Variants in COL17A1 observed in about 807,000 individuals in gnomAD.
The protein encoded by COL17A1 is collagen alpha-1(XVII) chain.
COL17A1 carries 181 observed loss-of-function variants against 218.4 expected under a neutral mutation model. That is an observed-to-expected ratio of 0.83 (90% CI 0.73 to 0.94). The LOEUF (loss-of-function observed/expected upper bound fraction) is 0.94. COL17A1 is among the 40% of genes least tolerant of loss of function. The pLI is 0.00. For missense variants in COL17A1, 1,924 were observed against 1,945.9 expected (o/e 0.99, Z 0.21); for synonymous variants, 721 against 731.0 (o/e 0.99, Z 0.22).
intron 9 of COL17A1, among the ~76,000 whole-genome samples, chr10:104,068,478 T>G (rs908876730): frequency 2.6e-5 from 4 of 152,212 alleles, no homozygotes; most frequent in African/African-American, 9.6e-5. Flanking sequence ...AAAAGGTAGA[T>G]TATCCAATAA....
At chr10:104,064,148 C>T (rs907084200) in intron 10 of COL17A1, among the ~76,000 whole-genome samples, 1 of 152,220 alleles carries the variant, frequency 6.6e-6, no homozygotes, top group South Asian at 2.1e-4. Flanking sequence ...ATTCAAGGCT[C>T]CACCGTCAAT....
At chr10:104,061,738 C>T (rs1166369055) in intron 12 of COL17A1, among the ~76,000 whole-genome samples, 1 of 152,200 alleles carries the variant, frequency 6.6e-6, no homozygotes, top group Non-Finnish European at 1.5e-5. Context: ...CAGCCCTTAA[C>T]ACCTGCTCTG....
chr10:104,063,582 G>A, intron 11 of COL17A1, 165 bp downstream of exon 11: 1 of 1,090,546 alleles, frequency 9.2e-7, no homozygotes, highest in South Asian at 1.3e-5. Context: ...TTTCCCTTGG[G>A]GTCTGAGTTC....
chr10:104,047,950 A>G lies in COL17A1; in HGVS notation c.2263+119T>C, dbSNP rs185864636. The G allele has an allele frequency of 1.2e-4, 165 of 1,399,318 alleles. 1 individual carries two copies. In the African/African-American group the frequency reaches 2.2e-3, roughly 18 times the overall value. The allele number at this position is 1,399,318 out of a possible 1,614,324, so 86.7% of individuals were successfully genotyped here. On this transcript the variant is annotated intron_variant, in intron 30 of 55. Coordinates refer to ENST00000648076, the MANE Select transcript of COL17A1 (RefSeq NM_000494.4). ...AAGGAGAAGGGGAACAGAACTGGACACTGCACACTTCCACATGCTATATGC... is the reference window on the plus strand; with the variant it reads ...AAGGAGAAGGGGAACAGAACTGGACGCTGCACACTTCCACATGCTATATGC...
At chr10:104,054,060 G>A in intron 21 of COL17A1, 32 bp downstream of exon 21, 2 of 1,613,620 alleles carry the variant, frequency 1.2e-6, no homozygotes, top group Non-Finnish European at 1.7e-6. Context: ...CTGCAACACT[G>A]GCAGGCCTGG....
In COL17A1 at chr10:104,055,978, C is replaced by G. The variant is rs143263539; in HGVS notation, c.1491G>C (p.Ala497=). 1 of 1,614,208 alleles carries G rather than the reference C, an allele frequency of 6.2e-7. No homozygotes were observed. The highest frequency in any genetic ancestry group is 8.5e-7 in the Non-Finnish European group (1 of 1,180,036). The stretch of plus-strand genomic sequence containing the variant: ...TGATCCTCTCCAGCTCATCCACACG[C>G]GCCTTCAGCTTCCTCACCTCCTCCG... ...ALAEEVRKLK[A]RVDELERIRR... Residue 497 remains alanine (A), a synonymous_variant, in exon 18 of 56, where the codon GCG becomes GCC. Coordinates refer to ENST00000648076, the MANE Select transcript of COL17A1 (RefSeq NM_000494.4).
In COL17A1 at chr10:104,056,605, A is replaced by C. The variant is rs534508239; in HGVS notation, c.1465+370T>G. On this transcript the variant is annotated intron_variant, in intron 17 of 55. Transcript: ENST00000648076. ...TCAAAAAAAAAAAAGAAAGAAAAAGAAAAGAAAGAAAAGAAATAGATATGG... is the reference window on the plus strand; with the variant it reads ...TCAAAAAAAAAAAAGAAAGAAAAAGCAAAGAAAGAAAAGAAATAGATATGG... 3.9e-5 allele frequency among the ~76,000 whole-genome samples: 6 copies of C among 152,250 alleles called. No homozygotes were observed. In the South Asian group the frequency reaches 1.2e-3, roughly 32 times the overall value.
At chr10:104,059,982 A>C in intron 14 of COL17A1, 137 bp downstream of exon 14, 3 of 1,432,792 alleles carry the variant, frequency 2.1e-6, no homozygotes, top group Non-Finnish European at 2.9e-6. Context: ...CATACTATTC[A>C]GACAGGTGCT....
chr10:104,059,693 T>C lies in COL17A1; in HGVS notation c.1167A>G (p.Lys389=). The C allele has an allele frequency of 6.2e-7, 1 of 1,614,258 alleles. No individual in the cohort carries two copies. The part of the protein sequence containing the change: ...AATSFSEDTL[K]KEKQAAYNAD... Reference sequence around the variant, plus strand: ...CATTGTAGGCAGCTTGCTTTTCTTTTTTTAGGGTGTCTTCTGAAAAAGAAG... The same window carrying C: ...CATTGTAGGCAGCTTGCTTTTCTTTCTTTAGGGTGTCTTCTGAAAAAGAAG... The change falls in exon 15 of 56, where the codon AAA becomes AAG. Residue 389 remains lysine (K), a synonymous_variant. Coordinates refer to ENST00000648076, the MANE Select transcript of COL17A1 (RefSeq NM_000494.4).
Position 104,070,519 on chromosome 10 carries a change from T to A in COL17A1, c.514A>T (p.Ser172Cys). ...GAGGAATTCCGGGTGGGGCTCACACTTGCCGATCGACTCCCCTTGAGCAAA... is the reference window on the plus strand; with the variant it reads ...GAGGAATTCCGGGTGGGGCTCACACATGCCGATCGACTCCCCTTGAGCAAA... ...KRLLKGSRSA[S>C]VSPTRNSSNT... The change falls in exon 9 of 56, where the codon AGT becomes TGT. Residue 172 changes from serine (S) to cysteine (C), a missense_variant. Coordinates refer to ENST00000648076, the MANE Select transcript of COL17A1 (RefSeq NM_000494.4). The A allele has an allele frequency of 1.9e-6, 3 of 1,614,220 alleles. No individual in the cohort carries two copies. The highest frequency in any genetic ancestry group is 2.5e-6 in the Non-Finnish European group (3 of 1,180,046).
intron 20 of COL17A1, 89 bp downstream of exon 20, chr10:104,054,892 T>A (rs564005262): frequency 6.3e-7 from 1 of 1,592,514 alleles, no homozygotes; most frequent in South Asian, 1.1e-5. Flanking sequence ...CTTCTTGGAG[T>A]GCAAGGTGGG....
intron 1 of COL17A1, among the ~76,000 whole-genome samples, chr10:104,082,071 G>A (rs539788000): frequency 2.2e-4 from 33 of 152,252 alleles, no homozygotes; most frequent in African/African-American, 7.7e-4. Context: ...ACCAAGATTC[G>A]TACACTTAGC....
chr10:104,060,872 G>A (rs1564681340), intron 13 of COL17A1, among the ~76,000 whole-genome samples: 1 of 152,200 alleles, frequency 6.6e-6, no homozygotes, highest in Non-Finnish European at 1.5e-5. Context: ...CTGCTGTACT[G>A]TCAGCACTTA....
At chr10:104,035,591 CA>C in intron 48 of COL17A1, 28 bp from the exon 49 acceptor site, 3 of 1,571,194 alleles carry the variant, frequency 1.9e-6, no homozygotes, top group African/African-American at 2.7e-5. Flanking sequence ...TCAGATCAGG[CA>C]GGGGGAGGCA....
At chr10:104,064,312 G>A in intron 10 of COL17A1, 126 bp downstream of exon 10, 1 of 1,486,814 alleles carries the variant, frequency 6.7e-7, no homozygotes, top group South Asian at 1.2e-5. Flanking sequence ...CTCCTGGGAT[G>A]TTTGGCCACA....
At chr10:104,060,721 C>G (rs2086574945) in intron 13 of COL17A1, among the ~76,000 whole-genome samples, 1 of 152,182 alleles carries the variant, frequency 6.6e-6, no homozygotes, top group Non-Finnish European at 1.5e-5. Flanking sequence ...ACACACACTC[C>G]TATCTCTACC....
Position 104,074,301 on chromosome 10 carries a change from G to C in COL17A1, c.332-70C>G. The C allele has an allele frequency of 1.9e-6, 3 of 1,609,746 alleles. No individual in the cohort carries two copies. In the Admixed American group the frequency reaches 5.0e-5, roughly 27 times the overall value. ...CATAAAGCTTCCAAAACGGGAGGTA[G>C]TGCCTGTTACTTATTTCTGGACCTC... On this transcript the variant is annotated intron_variant, in intron 5 of 55. Transcript: ENST00000648076.
intron 8 of COL17A1, 146 bp from the exon 9 acceptor site, chr10:104,070,715 AT>A: frequency 6.4e-7 from 1 of 1,560,284 alleles, no homozygotes; most frequent in Non-Finnish European, 8.7e-7. Context: ...TGGCTTTATA[AT>A]ATTCACATTT....
chr10:104,055,892 C>T lies in COL17A1; in HGVS notation c.1577G>A (p.Gly526Asp), dbSNP rs1172514491. The T allele has an allele frequency of 1.2e-6, 2 of 1,614,230 alleles. No homozygotes were observed. The highest frequency in any genetic ancestry group is 1.7e-6 in the Non-Finnish European group (2 of 1,180,042). ...MDRIEKDRLQ[G>D]MAPAAGADLD... The stretch of plus-strand genomic sequence containing the variant: ...GTCTGCTCCCGCCGCGGGTGCCATG[C>T]CCTGGAGGCGGTCCTTTTCTATTCT... Residue 526 changes from glycine (G) to aspartate (D), a missense_variant, in exon 18 of 56, where the codon GGC (glycine) becomes GAC (aspartate). Gly to Asp is a moderately conservative substitution (Grantham distance 94). Coordinates refer to ENST00000648076, the MANE Select transcript of COL17A1 (RefSeq NM_000494.4).
Sources: gnomAD v4.1 joint callset for allele counts (sites outside exome capture counted in the v4.1 genomes callset) on GRCh38, gnomAD v4.1.1 for gene constraint, MANE v1.5 for transcripts, NCBI Gene and HGNC (gene_info 2026-07-23, HGNC 2026-07-21) for gene names.